The following HHIPL1 variants were observed in gnomAD, a reference collection of about 807,000 sequenced individuals.
The protein encoded by HHIPL1 is HHIP like 1.
A neutral mutation model predicts 61.8 loss-of-function variants in HHIPL1; 43 were observed. That is an observed-to-expected ratio of 0.70 (90% confidence interval 0.55 to 0.90). HHIPL1 has a LOEUF of 0.90. HHIPL1 is among the 40% of genes least tolerant of loss of function. HHIPL1 has a pLI of 0.00. For synonymous variants in HHIPL1, 482 were observed against 515.8 expected (o/e 0.93, Z 0.89); for missense variants, 1,056 against 1,157.7 (o/e 0.91, Z 1.28).
the HHIPL1 span, among the ~76,000 whole-genome samples, chr14:99,618,397 A>G: frequency 6.6e-6 from 1 of 152,226 alleles, no homozygotes; most frequent in African/African-American, 2.4e-5. Context: ...GGAGATACTG[A>G]GCCCCATTAG....
rs138723739 is a variant in HHIPL1, at chr14:99,663,006, G to A, written c.1633G>A (p.Gly545Arg). ...CTACTACCCGTACATCATCTCCTTC[G>A]GGGAGGACGAGGCCGGTGAGCACTC... The part of the protein sequence containing the change: ...NNYYPYIISF[G>R]EDEAGELYFM... The change falls in exon 6 of 9, where the codon GGG becomes AGG. Residue 545 changes from glycine (G) to arginine (R), a missense_variant. Coordinates refer to ENST00000330710, the MANE Select transcript of HHIPL1 (RefSeq NM_001127258.3). 5.4e-5 allele frequency: 87 copies of A among 1,609,590 alleles called. 2 individuals carry two copies. The Middle Eastern group carries it at 6.6e-4, about 12-fold the overall frequency.
Position 99,652,848 on chromosome 14 carries a change from G to T in HHIPL1, c.880G>T (p.Ala294Ser). 6.2e-7 allele frequency: 1 copy of T among 1,613,826 alleles called. No individual in the cohort carries two copies. The highest frequency in any genetic ancestry group is 1.3e-5 in the African/African-American group (1 of 75,060). ...CAGAGTCTCCGAGGATGACGAGAAC[G>T]CCGTGGACCACAGCTCTGAGAGGTG... is the stretch of plus-strand genomic sequence containing the variant. Reference protein sequence around the residue: ...EFRVSEDDENAVDHSSERIIL... With the variant: ...EFRVSEDDENSVDHSSERIIL... The change falls in exon 2 of 9, where the codon GCC becomes TCC. Residue 294 changes from alanine (A) to serine (S), a missense_variant. Physicochemically the swap from Ala to Ser is moderately conservative, Grantham distance 99 (BLOSUM62 1). Transcript: ENST00000330710.
chr14:99,632,025 G>C, the HHIPL1 span, among the ~76,000 whole-genome samples: 2 of 152,182 alleles, frequency 1.3e-5, no homozygotes, highest in African/African-American at 2.4e-5. Context: ...AGTGGACATG[G>C]GGCAGGGCCA....
At chr14:99,613,158 G>A in the HHIPL1 span, among the ~76,000 whole-genome samples, 1 of 152,012 alleles carries the variant, frequency 6.6e-6, no homozygotes, top group Admixed American at 6.5e-5. Context: ...CTGAAATGAA[G>A]TTGTCTGAGG....
chr14:99,652,434 T>A lies in HHIPL1; in HGVS notation c.466T>A (p.Tyr156Asn), dbSNP rs1280569512. Reference protein sequence around the residue: ...CRYLSLDDTDYCFPYLLVNKN... With the variant: ...CRYLSLDDTDNCFPYLLVNKN... ...CTACCTGTCCCTGGATGACACGGAC[T>A]ACTGCTTCCCTTACCTGCTGGTCAA... The change falls in exon 2 of 9, where the codon TAC (tyrosine) becomes AAC (asparagine). Residue 156 changes from tyrosine to asparagine, a missense_variant. By Grantham distance (143) the Tyr-to-Asn change is moderately radical. Coordinates refer to ENST00000330710, the MANE Select transcript of HHIPL1 (RefSeq NM_001127258.3). 6.2e-7 allele frequency: 1 copy of A among 1,614,096 alleles called. No individual in the cohort carries two copies. The highest frequency in any genetic ancestry group is 8.5e-7 in the Non-Finnish European group (1 of 1,180,050).
At chr14:99,612,648 CACTGTGCTGGGA>C in the HHIPL1 span, among the ~76,000 whole-genome samples, 1 of 152,146 alleles carries the variant, frequency 6.6e-6, no homozygotes, top group South Asian at 2.1e-4. Flanking sequence ...ACTGTTGCAC[CACTGTGCTGGGA>C]GTGGTGAGGC....
At chr14:99,614,673 T>C in the HHIPL1 span, among the ~76,000 whole-genome samples, 1 of 152,136 alleles carries the variant, frequency 6.6e-6, no homozygotes, top group Non-Finnish European at 1.5e-5. Context: ...TGCTGTGGGG[T>C]ACACCCCTCC....
chr14:99,623,377 T>C, the HHIPL1 span, among the ~76,000 whole-genome samples: 7 of 152,046 alleles, frequency 4.6e-5, no homozygotes, highest in Non-Finnish European at 2.9e-5. Context: ...AGAATTCTGG[T>C]GAGTTTTGGG....
rs2056370772 is a variant in HHIPL1, at chr14:99,675,088, C to T, written c.1814-3C>T. On this transcript the variant is annotated splice_polypyrimidine_tract_variant and splice_region_variant and intron_variant, in intron 8 of 8. Coordinates refer to ENST00000330710, the MANE Select transcript of HHIPL1 (RefSeq NM_001127258.3). This position sits in a 1 kb window ranked among gnomAD's most constrained non-coding sequence, Gnocchi z 5.4. The stretch of plus-strand genomic sequence containing the variant: ...TCTGACGGCATACTCTTCCTCTGCG[C>T]AGAGTTCATCCCGAAGACACGGAGC... 1.7e-6 allele frequency: 2 copies of T among 1,167,332 alleles called. No individual in the cohort carries two copies. The highest frequency in any genetic ancestry group is 2.1e-6 in the Non-Finnish European group (2 of 934,528). 72.3% of individuals were successfully genotyped at this position (1,167,332 alleles called of 1,614,324 possible).
At chr14:99,653,164 G>A (rs543710073) in intron 2 of HHIPL1, among the ~76,000 whole-genome samples, 6 of 152,260 alleles carry the variant, frequency 3.9e-5, no homozygotes, top group African/African-American at 7.2e-5. Flanking sequence ...AACCCACTGA[G>A]GCTAGTATTA....
chr14:99,619,036 G>A, the HHIPL1 span, among the ~76,000 whole-genome samples: 10 of 152,188 alleles, frequency 6.6e-5, no homozygotes, highest in Non-Finnish European at 1.2e-4. Context: ...GAGGGAGACA[G>A]GAGCTGTGTA....
intron 1 of HHIPL1, among the ~76,000 whole-genome samples, chr14:99,647,556 T>C (rs1180519511): frequency 2.6e-5 from 4 of 152,072 alleles, no homozygotes; most frequent in African/African-American, 7.2e-5. Context: ...TTAGCAGGAG[T>C]GACCACTAAC....
At chr14:99,625,619 AC>A in the HHIPL1 span, 152,206 of 152,206 alleles carry the variant, frequency 1, 76,103 homozygotes, top group Non-Finnish European at 1. Context: ...CTGGGGCCTC[AC>A]CCCCACCCTC....
At chr14:99,629,392 A>G in the HHIPL1 span, among the ~76,000 whole-genome samples, 2 of 152,202 alleles carry the variant, frequency 1.3e-5, no homozygotes, top group Non-Finnish European at 2.9e-5. Flanking sequence ...CTGGAAGATT[A>G]CATAAGAGAC....
At chr14:99,643,198 C>T (rs532520118), upstream of HHIPL1, among the ~76,000 whole-genome samples, 8 of 152,238 alleles carry the variant, frequency 5.3e-5, no homozygotes, top group African/African-American at 1.7e-4. Flanking sequence ...TGCCACCACG[C>T]CTGGCTAATT....
At chr14:99,604,969 C>T in the HHIPL1 span, among the ~76,000 whole-genome samples, 1 of 152,214 alleles carries the variant, frequency 6.6e-6, no homozygotes, top group Non-Finnish European at 1.5e-5. Flanking sequence ...CACTCCTAGC[C>T]CAGGGCTGAG....
chr14:99,605,718 C>T, the HHIPL1 span, among the ~76,000 whole-genome samples: 1 of 152,232 alleles, frequency 6.6e-6, no homozygotes, highest in Non-Finnish European at 1.5e-5. Flanking sequence ...AAAGCATAAT[C>T]AGTTGCTTTA....
the HHIPL1 span, among the ~76,000 whole-genome samples, chr14:99,628,697 G>A: frequency 6.6e-6 from 1 of 152,018 alleles, no homozygotes. Context: ...GGTGACCCCA[G>A]CTTCTTGTTC....
chr14:99,634,741 G>C, the HHIPL1 span, among the ~76,000 whole-genome samples: 1 of 152,194 alleles, frequency 6.6e-6, no homozygotes, highest in East Asian at 1.9e-4. Flanking sequence ...TTGGCCCCAG[G>C]ACCATCTAGC....
Sources: allele counts gnomAD v4.1 joint callset (sites outside exome capture counted in the v4.1 genomes callset), GRCh38; gene constraint gnomAD v4.1.1; non-coding constraint Gnocchi (gnomAD v3.1); transcripts MANE v1.5; gene names NCBI Gene and HGNC (gene_info 2026-07-23, HGNC 2026-07-21).